Variants in CDH26 observed in about 807,000 individuals in gnomAD.
CDH26 encodes cadherin 26, also known as cadherin-like protein 26.
CDH26 carries 83 observed loss-of-function variants against 90.3 expected under a neutral mutation model. The observed-to-expected ratio is 0.92, with a 90% CI of 0.77 to 1.10. The LOEUF is 1.10. Ranked by LOEUF, CDH26 falls within the 50% of genes least tolerant of loss-of-function variation. CDH26 has a pLI of 0.00. For synonymous variants in CDH26, 397 were observed against 396.3 expected, an observed-to-expected ratio of 1.00 and a Z score of -0.02; for missense variants, 1,013 against 1,037.6, an observed-to-expected ratio of 0.98 and a Z score of 0.33.
chr20:60,020,576 T>C (rs1427503192), intron 7 of CDH26, among the ~76,000 whole-genome samples: 1 of 152,174 alleles, frequency 6.6e-6, no homozygotes, highest in Non-Finnish European at 1.5e-5. Context: ...CAGACACTCA[T>C]GTGGGCTTGG....
rs1434781576 is a variant in CDH26, at chr20:60,031,414, G to C, written c.1132G>C (p.Asp378His). 2.6e-6 allele frequency: 3 copies of C among 1,175,920 alleles called. No individual in the cohort carries two copies. In the African/African-American group the frequency reaches 4.9e-5, roughly 19 times the overall value. The allele number at this position is 1,175,920 out of a possible 1,614,324, so 72.8% of individuals were successfully genotyped here. Residue 378 changes from aspartate to histidine, a missense_variant, in exon 8 of 9, where the codon GAC becomes CAC. Asp to His is a moderately conservative substitution (Grantham distance 81, BLOSUM62 -1). Coordinates refer to the CDH26 transcript ENST00000370991. ...ACCCTCTTTCAAGAAAGTTGTTTATGACCACAAGGAAGGTTTGAGTCTCTA... is the reference window on the plus strand; with the variant it reads ...ACCCTCTTTCAAGAAAGTTGTTTATCACCACAAGGAAGGTTTGAGTCTCTA...
rs764069389 is a variant in CDH26, at chr20:59,971,942, TCCA to T, written c.232-19_232-17del. 6.2e-7 allele frequency: 1 copy of T among 1,600,112 alleles called. No homozygotes were observed. The highest frequency in any genetic ancestry group is 1.3e-5 in the African/African-American group (1 of 74,556). ...ATTCTCATCCTCCTTTTTTCTTCTTTCCATTTTTCCTCCTTCCAGCTGTTCAAT... is the reference window on the plus strand; with the variant it reads ...ATTCTCATCCTCCTTTTTTCTTCTTTTTTTTCCTCCTTCCAGCTGTTCAAT... On this transcript the variant is annotated splice_polypyrimidine_tract_variant and intron_variant, in intron 3 of 17. Coordinates refer to ENST00000348616, the MANE Select transcript of CDH26 (RefSeq NM_177980.4).
intron 11 of CDH26, among the ~76,000 whole-genome samples, chr20:59,995,079 G>A (rs2061576272): frequency 6.6e-6 from 1 of 152,160 alleles, no homozygotes; most frequent in African/African-American, 2.4e-5. Flanking sequence ...ACTGTGGCAC[G>A]GTTTCAGCTG....
chr20:59,975,226 A>G (rs141528304), intron 4 of CDH26, among the ~76,000 whole-genome samples: 1,842 of 152,220 alleles, frequency 0.012, 34 homozygotes, highest in African/African-American at 0.042. Context: ...GTCATACTGG[A>G]TTAGGGTGGG....
intron 4 of CDH26, among the ~76,000 whole-genome samples, chr20:59,980,831 C>T (rs2061386986): frequency 6.6e-6 from 1 of 152,160 alleles, no homozygotes; most frequent in Middle Eastern, 3.2e-3. Flanking sequence ...TTATCTAACA[C>T]ATTGTCATCA....
chr20:59,972,805 T>C (rs1302467780), intron 4 of CDH26, among the ~76,000 whole-genome samples: 21 of 152,228 alleles, frequency 1.4e-4, no homozygotes, highest in Admixed American at 1.4e-3. Flanking sequence ...TCATTAACTC[T>C]TTCAGGGTGG....
At chr20:60,034,031 C>T (rs1408597798), downstream of CDH26, 2 of 165,534 alleles carry the variant, frequency 1.2e-5, no homozygotes, top group Non-Finnish European at 2.6e-5. Flanking sequence ...TATCATATAT[C>T]CTATGTTTTA....
chr20:60,017,993 A>T (rs2061919780), downstream of CDH26, among the ~76,000 whole-genome samples: 1 of 152,032 alleles, frequency 6.6e-6, no homozygotes, highest in African/African-American at 2.4e-5. Flanking sequence ...TTTGATTTTT[A>T]AAAACTTTTT....
chr20:59,970,990 C>G (rs753187), intron 3 of CDH26, among the ~76,000 whole-genome samples: 4,302 of 152,144 alleles, frequency 0.028, 197 homozygotes, highest in African/African-American at 0.095. Flanking sequence ...TTCCACCCCT[C>G]CCTATTGCCT....
chr20:59,964,742 C>A (rs1202946282), intron 1 of CDH26, among the ~76,000 whole-genome samples: 1 of 152,318 alleles, frequency 6.6e-6, no homozygotes, highest in Admixed American at 6.5e-5. Flanking sequence ...TTTTTGAACA[C>A]TTCAGCCAGC....
chr20:59,966,792 A>G (rs2061154639), intron 1 of CDH26, among the ~76,000 whole-genome samples: 1 of 152,206 alleles, frequency 6.6e-6, no homozygotes, highest in African/African-American at 2.4e-5. Flanking sequence ...TCATATATAC[A>G]TGGATGTTTA....
At chr20:60,018,766 C>A (rs1307319063), downstream of CDH26, among the ~76,000 whole-genome samples, 1 of 39,088 alleles carries the variant, frequency 2.6e-5, no homozygotes, top group Non-Finnish European at 4.8e-5. Flanking sequence ...TAGTGATGAG[C>A]TTTTATTACT....
chr20:60,029,591 G>T (rs1168080679), intron 7 of CDH26, among the ~76,000 whole-genome samples: 3 of 152,108 alleles, frequency 2.0e-5, no homozygotes, highest in Non-Finnish European at 4.4e-5. Context: ...TAGGTTTTAA[G>T]CCCTGCATGC....
chr20:59,983,772 T>C (rs2061422217), intron 5 of CDH26, among the ~76,000 whole-genome samples: 2 of 152,342 alleles, frequency 1.3e-5, no homozygotes, highest in South Asian at 4.1e-4. Flanking sequence ...ACATTGTATA[T>C]GCGTATATGG....
At chr20:59,978,668 CCGATCTTATATT>C (rs2061354974) in intron 4 of CDH26, among the ~76,000 whole-genome samples, 1 of 152,016 alleles carries the variant, frequency 6.6e-6, no homozygotes, top group Non-Finnish European at 1.5e-5. Context: ...GCCACCACGC[CCGATCTTATATT>C]TACTTTTTAC....
chr20:60,017,559 T>G (rs1415710861), downstream of CDH26, among the ~76,000 whole-genome samples: 3 of 152,208 alleles, frequency 2.0e-5, no homozygotes, highest in Non-Finnish European at 4.4e-5. Flanking sequence ...AATCAACTTT[T>G]TGTTTCATTA....
rs2062014249 is a variant in CDH26 at position 60,028,267 on chromosome 20, T to A, written c.948-2964T>A. Reference sequence around the variant, plus strand: ...TCAGCTTTAAACATTTTTAAAATGTTTTCACTTATGTAATGTGATATAAAT... The same window carrying A: ...TCAGCTTTAAACATTTTTAAAATGTATTCACTTATGTAATGTGATATAAAT... On this transcript the variant is annotated intron_variant, in intron 7 of 8. Coordinates refer to the CDH26 transcript ENST00000370991. Among the ~76,000 whole-genome samples, 4 of 152,250 alleles carry A rather than the reference T, an allele frequency of 2.6e-5. No individual in the cohort carries two copies. In the South Asian group the frequency reaches 8.3e-4, roughly 31 times the overall value.
intron 1 of CDH26, among the ~76,000 whole-genome samples, chr20:59,964,264 G>A (rs1167411299): frequency 6.6e-6 from 1 of 152,162 alleles, no homozygotes; most frequent in Non-Finnish European, 1.5e-5. Context: ...AAGATGCCAT[G>A]GCTGCCCAGC....
chr20:60,013,274 G>T lies in CDH26; in HGVS notation c.*544G>T, dbSNP rs960458388. 1.3e-5 allele frequency: 2 copies of T among 152,188 alleles called. No individual in the cohort carries two copies. The highest frequency in any genetic ancestry group is 4.1e-4 in the South Asian group (2 of 4,828). The allele number at this position is 152,188 out of a possible 1,614,324, so 9.4% of individuals were successfully genotyped here. ...TTGATTAGATAAATAGATAAAATAT[G>T]TTATCTTGAGAAAAATGATTATGCT... On this transcript the variant is annotated 3_prime_UTR_variant, in exon 18 of 18. Transcript: ENST00000348616.
Sources: allele counts gnomAD v4.1 joint callset (sites outside exome capture counted in the v4.1 genomes callset), GRCh38; gene constraint gnomAD v4.1.1; transcripts MANE v1.5; gene names NCBI Gene and HGNC (gene_info 2026-07-23, HGNC 2026-07-21).